Variants in NEK11 observed in about 807,000 individuals in gnomAD.
The protein encoded by NEK11 is serine/threonine-protein kinase Nek11.
A neutral mutation model predicts 80.7 loss-of-function variants in NEK11; 72 were observed. That is an observed-to-expected ratio of 0.89 (90% CI 0.74 to 1.08). NEK11 has a LOEUF of 1.08. NEK11 is among the 50% of genes least tolerant of loss of function. The pLI is 0.00. For missense variants in NEK11, 764 were observed against 763.6 expected (o/e 1.00, Z -0.01); for synonymous variants, 251 against 260.7 (o/e 0.96, Z 0.36).
At chr3:131,063,323 C>A (rs189810621) in intron 3 of NEK11, among the ~76,000 whole-genome samples, 2 of 152,310 alleles carry the variant, frequency 1.3e-5, no homozygotes, top group Admixed American at 1.3e-4. Context: ...CTGCATCTAG[C>A]CTGAATGGAG....
At position 131,078,866 on chromosome 3, in the gene NEK11, C is replaced by T. The variant is rs151158404; in HGVS notation, c.171-1557C>T. Reference sequence around the variant, plus strand: ...ATCCAATGTCCTCTGGTTAGAGACTCCTTCATCTTTTTTTTTTTTTTGCAT... The same window carrying T: ...ATCCAATGTCCTCTGGTTAGAGACTTCTTCATCTTTTTTTTTTTTTTGCAT... On this transcript the variant is annotated intron_variant, in intron 3 of 17. Transcript: ENST00000383366. Among the ~76,000 whole-genome samples the T allele has an allele frequency of 9.2e-3, 1,379 of 150,220 alleles. 18 individuals are homozygous for T. The highest frequency in any genetic ancestry group is 0.031 in the African/African-American group (1,265 of 40,970).
In NEK11 at chr3:131,165,484, C is replaced by T. The variant is rs142330323; in HGVS notation, c.1141C>T (p.Arg381Trp). The change falls in exon 12 of 18, where the codon CGG (arginine) becomes TGG (tryptophan). Residue 381 changes from arginine to tryptophan, a missense_variant. Coordinates refer to ENST00000383366, the MANE Select transcript of NEK11 (RefSeq NM_024800.5). ...NSKRMQELRS[R>W]NFQQLSVDVL... ...CAAACGAATGCAAGAATTGAGATCT[C>T]GGAACTTTCAGCAGCTGAGTGTTGA... 1.1e-5 allele frequency: 17 copies of T among 1,612,876 alleles called. No individual in the cohort carries two copies. Among genetic ancestry groups the T allele is most frequent in the Middle Eastern group, 1.7e-4 (1 of 6,050 alleles).
At chr3:131,271,521 G>A (rs945721485) in intron 16 of NEK11, among the ~76,000 whole-genome samples, 1 of 152,128 alleles carries the variant, frequency 6.6e-6, no homozygotes, top group Non-Finnish European at 1.5e-5. Context: ...AGAGCCAGTC[G>A]GGGTGGCTCA....
At chr3:131,284,185 C>T (rs1286359958) in intron 17 of NEK11, among the ~76,000 whole-genome samples, 1 of 152,208 alleles carries the variant, frequency 6.6e-6, no homozygotes, top group Non-Finnish European at 1.5e-5. Flanking sequence ...GCACTTCTCC[C>T]TGAAATGGAC....
intron 17 of NEK11, among the ~76,000 whole-genome samples, chr3:131,279,138 AG>A (rs1158114944): frequency 5.3e-5 from 8 of 152,002 alleles, no homozygotes; most frequent in Admixed American, 1.3e-4. Flanking sequence ...TGAGAGACCA[AG>A]GAAGATTGAT....
chr3:131,192,587 G>A (rs2093841632), intron 14 of NEK11, among the ~76,000 whole-genome samples: 4 of 152,072 alleles, frequency 2.6e-5, no homozygotes, highest in African/African-American at 9.7e-5. Context: ...TACATACAAT[G>A]GAATATTATT....
At chr3:131,067,908 G>A (rs1176831149) in intron 3 of NEK11, among the ~76,000 whole-genome samples, 2 of 152,158 alleles carry the variant, frequency 1.3e-5, no homozygotes, top group African/African-American at 4.8e-5. Flanking sequence ...TAAAACGGAC[G>A]GTTTTGGGGT....
chr3:131,162,086 T>A (rs1042653322), intron 10 of NEK11, among the ~76,000 whole-genome samples: 4 of 152,216 alleles, frequency 2.6e-5, no homozygotes, highest in African/African-American at 4.8e-5. Flanking sequence ...CATGGTGGAA[T>A]TACTGGGCCA....
chr3:131,307,758 A>G (rs945052635), intron 17 of NEK11, among the ~76,000 whole-genome samples: 10 of 152,220 alleles, frequency 6.6e-5, no homozygotes, highest in African/African-American at 2.4e-4. Context: ...GATGTTTTAT[A>G]TAGAGCATAT....
chr3:131,108,968 A>G (rs1483994742), intron 4 of NEK11, among the ~76,000 whole-genome samples: 65 of 152,218 alleles, frequency 4.3e-4, no homozygotes, highest in Non-Finnish European at 1.0e-4. Flanking sequence ...TTAAATTCAT[A>G]TCACTGATTT....
At chr3:131,318,018 T>C (rs2096861654) in intron 17 of NEK11, among the ~76,000 whole-genome samples, 1 of 152,136 alleles carries the variant, frequency 6.6e-6, no homozygotes, top group African/African-American at 2.4e-5. Context: ...TCCTGCTTTC[T>C]TCAGATTCTT....
intron 17 of NEK11, among the ~76,000 whole-genome samples, chr3:131,342,904 T>C (rs966311835): frequency 2.0e-5 from 3 of 152,186 alleles, no homozygotes; most frequent in African/African-American, 7.2e-5. Flanking sequence ...AAATGACTTT[T>C]ACCTCAATTT....
chr3:131,100,196 C>T (rs555951328), intron 4 of NEK11, among the ~76,000 whole-genome samples: 1 of 152,292 alleles, frequency 6.6e-6, no homozygotes, highest in East Asian at 1.9e-4. Flanking sequence ...GCTTTTTCTG[C>T]ATTTATTAAG....
In NEK11 at chr3:131,142,271, C is replaced by T. The variant is rs182547606; in HGVS notation, c.647+8315C>T. 3.1e-4 allele frequency among the ~76,000 whole-genome samples: 47 copies of T among 152,252 alleles called. 1 individual carries two copies. Among genetic ancestry groups the T allele is most frequent in the Admixed American group, 1.8e-3 (28 of 15,286 alleles). ...TGTGGGGGAAGGGAAAAAGAATATT[C>T]GCAAAGAGCAATCAATCTACCAGGG... On this transcript the variant is annotated intron_variant, in intron 7 of 17. Transcript: ENST00000383366.
chr3:131,236,422 C>T (rs180890462), intron 15 of NEK11, among the ~76,000 whole-genome samples: 2 of 152,202 alleles, frequency 1.3e-5, no homozygotes, highest in Admixed American at 1.3e-4. Flanking sequence ...TTCTAAATGT[C>T]TTAAGAGTTC....
intron 3 of NEK11, among the ~76,000 whole-genome samples, chr3:131,068,425 A>G (rs924174295): frequency 6.6e-6 from 1 of 152,236 alleles, no homozygotes; most frequent in Non-Finnish European, 1.5e-5. Context: ...TTTGTATTCA[A>G]GTATCACACT....
intron 15 of NEK11, among the ~76,000 whole-genome samples, chr3:131,238,460 A>G (rs2095469679): frequency 6.6e-6 from 1 of 152,194 alleles, no homozygotes; most frequent in African/African-American, 2.4e-5. Context: ...TGTACAGTCT[A>G]GTGGTACAGG....
chr3:131,257,791 C>G (rs1008235657), intron 16 of NEK11, among the ~76,000 whole-genome samples: 1 of 152,080 alleles, frequency 6.6e-6, no homozygotes, highest in Non-Finnish European at 1.5e-5. Flanking sequence ...AAATGTAGAA[C>G]TACCATTCAA....
intron 7 of NEK11, among the ~76,000 whole-genome samples, chr3:131,142,527 G>A (rs565068904): frequency 7.2e-5 from 11 of 152,320 alleles, no homozygotes; most frequent in African/African-American, 2.2e-4. Flanking sequence ...CCCATAAGCA[G>A]TGTCGGCTGT....
Sources: gnomAD v4.1 joint callset for allele counts (sites outside exome capture counted in the v4.1 genomes callset) on GRCh38, gnomAD v4.1.1 for gene constraint, MANE v1.5 for transcripts, NCBI Gene and HGNC (gene_info 2026-07-23, HGNC 2026-07-21) for gene names.